FAM135B: variants seen among roughly 807,000 people sequenced by gnomAD.
FAM135B encodes the protein family with sequence similarity 135 member B, also known as protein FAM135B.
FAM135B carries 43 observed loss-of-function variants against 127.7 expected under a neutral mutation model. The observed-to-expected ratio is 0.34, with a 90% confidence interval of 0.26 to 0.43. The LOEUF (loss-of-function observed/expected upper bound fraction) is 0.43. FAM135B is among the 20% of genes least tolerant of loss of function. FAM135B has a pLI of 1.00. For missense variants in FAM135B, 1,558 were observed against 1,725.6 expected (o/e 0.90, Z 1.72); for synonymous variants, 670 against 665.1 (o/e 1.01, Z -0.11).
intron 12 of FAM135B, among the ~76,000 whole-genome samples, chr8:138,163,568 T>C (rs928030763): frequency 1.3e-5 from 2 of 152,170 alleles, no homozygotes; most frequent in Non-Finnish European, 2.9e-5. Context: ...CAAGATCTGA[T>C]GGTTTTATAA....
chr8:138,442,285 C>A (rs547264518), intron 1 of FAM135B, among the ~76,000 whole-genome samples: 55 of 26,202 alleles, frequency 2.1e-3, no homozygotes, highest in Middle Eastern at 0.031. Context: ...TATGAAAAAC[C>A]TTGGCAGTTG....
intron 1 of FAM135B, among the ~76,000 whole-genome samples, chr8:138,436,042 G>A (rs980476181): frequency 6.6e-6 from 1 of 152,142 alleles, no homozygotes; most frequent in Admixed American, 6.5e-5. Context: ...GTGCTCCATT[G>A]GGTCTCATGT....
intron 2 of FAM135B, among the ~76,000 whole-genome samples, chr8:138,333,513 C>A (rs373476110): frequency 5.3e-5 from 8 of 152,258 alleles, no homozygotes; most frequent in Admixed American, 6.5e-5. Flanking sequence ...ATAGGCATTG[C>A]CCATCCTCTG....
intron 3 of FAM135B, among the ~76,000 whole-genome samples, chr8:138,267,875 G>C (rs943832864): frequency 6.6e-6 from 1 of 152,132 alleles, no homozygotes; most frequent in Admixed American, 6.5e-5. Context: ...AAATTGATGC[G>C]GCTATTAAAT....
At chr8:138,327,144 T>A (rs1432300209) in intron 2 of FAM135B, among the ~76,000 whole-genome samples, 1 of 152,176 alleles carries the variant, frequency 6.6e-6, no homozygotes, top group African/African-American at 2.4e-5. Flanking sequence ...CCTGTTACCT[T>A]ATTGTTCCTT....
At chr8:138,483,398 C>T (rs1235000496) in intron 1 of FAM135B, among the ~76,000 whole-genome samples, 1 of 152,196 alleles carries the variant, frequency 6.6e-6, no homozygotes, top group Non-Finnish European at 1.5e-5. Context: ...GGCCTCCAAG[C>T]TGGGGTCTTA....
At chr8:138,359,222 G>C (rs951047363) in intron 2 of FAM135B, among the ~76,000 whole-genome samples, 3 of 152,060 alleles carry the variant, frequency 2.0e-5, no homozygotes, top group African/African-American at 7.2e-5. Flanking sequence ...TGGAATTTTA[G>C]AGAAAAAAAG....
At chr8:138,213,835 C>A (rs1818335468) in intron 7 of FAM135B, among the ~76,000 whole-genome samples, 1 of 152,140 alleles carries the variant, frequency 6.6e-6, no homozygotes, top group South Asian at 2.1e-4. Flanking sequence ...CAAGGAGGCT[C>A]CCACAATGAA....
At chr8:138,320,267 A>C (rs1446194853) in intron 2 of FAM135B, among the ~76,000 whole-genome samples, 1 of 152,256 alleles carries the variant, frequency 6.6e-6, no homozygotes, top group Non-Finnish European at 1.5e-5. Flanking sequence ...GATGGGAATA[A>C]ATATCCTCAC....
At chr8:138,421,457 G>A (rs1288715998) in intron 1 of FAM135B, among the ~76,000 whole-genome samples, 1 of 152,152 alleles carries the variant, frequency 6.6e-6, no homozygotes, top group East Asian at 1.9e-4. Context: ...AGATACAAAA[G>A]TCAATGTACA....
At chr8:138,266,468 G>A (rs1261252485) in intron 3 of FAM135B, among the ~76,000 whole-genome samples, 1 of 151,748 alleles carries the variant, frequency 6.6e-6, no homozygotes, top group East Asian at 1.9e-4. Flanking sequence ...ATTTCAACAA[G>A]ACAAATCTAT....
chr8:138,350,509 C>G (rs1829709462), intron 2 of FAM135B, among the ~76,000 whole-genome samples: 1 of 152,072 alleles, frequency 6.6e-6, no homozygotes, highest in Non-Finnish European at 1.5e-5. Context: ...CACACACACA[C>G]ACACACACAC....
At chr8:138,287,974 C>T (rs1013515141) in intron 3 of FAM135B, among the ~76,000 whole-genome samples, 1 of 152,170 alleles carries the variant, frequency 6.6e-6, no homozygotes, top group Non-Finnish European at 1.5e-5. Flanking sequence ...TTATTTGTAA[C>T]ATGCTCAAGG....
chr8:138,347,029 T>C (rs1200504279), intron 2 of FAM135B, among the ~76,000 whole-genome samples: 2 of 152,196 alleles, frequency 1.3e-5, no homozygotes, highest in African/African-American at 4.8e-5. Flanking sequence ...GATTGGTACA[T>C]AGGTATCAAT....
In FAM135B at chr8:138,151,388, C is replaced by T. The variant is rs1324435662; in HGVS notation, c.3087G>A (p.Glu1029=). ...TGCAAGACACAGATAAGTTCACAAC[C>T]TCCACAGCCTTCAGGCTGTCCAGAG... The part of the protein sequence containing the change: ...TFTLDSLKAV[E]VVNLSVSCTA... Residue 1029 remains glutamate (E), a synonymous_variant, in exon 13 of 20, where the codon GAG becomes GAA. Coordinates refer to ENST00000395297, the MANE Select transcript of FAM135B (RefSeq NM_015912.4). 6.2e-7 allele frequency: 1 copy of T among 1,613,676 alleles called. No homozygotes were observed. Among genetic ancestry groups the T allele is most frequent in the Non-Finnish European group, 8.5e-7 (1 of 1,179,812 alleles).
At chr8:138,394,150 T>A (rs1246878723) in intron 1 of FAM135B, among the ~76,000 whole-genome samples, 3 of 152,192 alleles carry the variant, frequency 2.0e-5, no homozygotes, top group African/African-American at 7.2e-5. Context: ...AGATCACTAA[T>A]TTCCTAGGGG....
chr8:138,414,025 A>G (rs1834005673), intron 1 of FAM135B, among the ~76,000 whole-genome samples: 1 of 151,710 alleles, frequency 6.6e-6, no homozygotes, highest in Non-Finnish European at 1.5e-5. Context: ...CAACCTTGGA[A>G]ATGTCTACAG....
chr8:138,435,363 C>A (rs1189108002), intron 1 of FAM135B, among the ~76,000 whole-genome samples: 1 of 152,022 alleles, frequency 6.6e-6, no homozygotes, highest in Non-Finnish European at 1.5e-5. Context: ...TGCCTCAATG[C>A]ACCTCATCTC....
intron 1 of FAM135B, among the ~76,000 whole-genome samples, chr8:138,409,879 CAAAAAAAA>C (rs10543075): frequency 2.6e-5 from 2 of 78,412 alleles, no homozygotes; most frequent in Admixed American, 1.6e-4. Context: ...GACTCCGTCT[CAAAAAAAA>C]AAAAAAAAAA....
Sources: allele counts gnomAD v4.1 joint callset (sites outside exome capture counted in the v4.1 genomes callset), GRCh38; gene constraint gnomAD v4.1.1; transcripts MANE v1.5; gene names NCBI Gene and HGNC (gene_info 2026-07-23, HGNC 2026-07-21).